The following KPNA1 variants were observed in gnomAD, a reference collection of about 807,000 sequenced individuals.
KPNA1 encodes the protein importin subunit alpha-5.
In KPNA1, 10 loss-of-function variants were observed where a neutral mutation model predicts 70.5. That is an observed-to-expected ratio of 0.14 (90% CI 0.09 to 0.24). KPNA1 has a LOEUF of 0.24. Ranked by LOEUF, KPNA1 falls within the 10% of genes least tolerant of loss-of-function variation. The probability of loss-of-function intolerance (pLI) is 1.00; values close to 1 mark genes in which losing one functional copy is unlikely to be tolerated. For synonymous variants in KPNA1, 192 were observed against 221.9 expected, an observed-to-expected ratio of 0.87 and a Z score of 1.20; for missense variants, 397 against 637.9, an observed-to-expected ratio of 0.62 and a Z score of 4.07.
rs559136378 is a variant in KPNA1 at position 122,464,953 on chromosome 3, G to T, written c.238-912C>A. Among the ~76,000 whole-genome samples, 6 of 152,256 alleles carry T rather than the reference G, an allele frequency of 3.9e-5. No individual in the cohort carries two copies. In the East Asian group the frequency reaches 7.7e-4, roughly 20 times the overall value. On this transcript the variant is annotated intron_variant, in intron 3 of 13. Coordinates refer to ENST00000344337, the MANE Select transcript of KPNA1 (RefSeq NM_002264.4). ...CAGAAAAGTAACTATTTTCAAAATT[G>T]CAAGACTGATTCCTAAATCAAGGTT... is the stretch of plus-strand genomic sequence containing the variant.
At chr3:122,503,680 T>C (rs1369005807) in intron 1 of KPNA1, among the ~76,000 whole-genome samples, 3 of 152,254 alleles carry the variant, frequency 2.0e-5, no homozygotes, top group South Asian at 2.1e-4. Context: ...TGGGAGTTAC[T>C]GAAATGGTCA....
rs757709546 is a variant in KPNA1, at chr3:122,451,988, G to A, written c.641C>T (p.Pro214Leu). Residue 214 changes from proline (P) to leucine (L), a missense_variant, in exon 7 of 14, where the codon CCC becomes CTC. Coordinates refer to ENST00000344337, the MANE Select transcript of KPNA1 (RefSeq NM_002264.4). ...AGAAGAAACTTACTGCAAAAGAGGG[G>A]GAAGGATATTGCAGTCTAAGACATA... ...RDYVLDCNIL[P>L]PLLQLFSKQN... 6.3e-6 allele frequency: 10 copies of A among 1,592,732 alleles called. No homozygotes were observed. Among genetic ancestry groups the A allele is most frequent in the Non-Finnish European group, 8.6e-6 (10 of 1,168,356 alleles).
chr3:122,478,995 C>T (rs2107477475), intron 2 of KPNA1, among the ~76,000 whole-genome samples: 1 of 145,044 alleles, frequency 6.9e-6, no homozygotes, highest in Middle Eastern at 3.8e-3. Flanking sequence ...ATTTTAGATA[C>T]AACACCACAG....
chr3:122,510,965 T>C (rs2076948405), intron 1 of KPNA1, among the ~76,000 whole-genome samples: 1 of 152,208 alleles, frequency 6.6e-6, no homozygotes. Context: ...CCAAAGAGAC[T>C]GAACGGCTAA....
rs1341385161 is a variant in KPNA1, at chr3:122,425,634, A to G, written c.*1351T>C. On this transcript the variant is annotated 3_prime_UTR_variant, in exon 14 of 14. Transcript: ENST00000344337. ...CAAGCACAAATGTGGATCACTGAAC[A>G]CAGTACTGGAAGCGCCATTTGCAGG... is the stretch of plus-strand genomic sequence containing the variant. 2.0e-5 allele frequency: 3 copies of G among 152,626 alleles called. No homozygotes were observed. The highest frequency in any genetic ancestry group is 4.4e-5 in the Non-Finnish European group (3 of 68,040). 9.5% of individuals were successfully genotyped at this position (152,626 alleles called of 1,614,324 possible).
At position 122,494,447 on chromosome 3, in the gene KPNA1, T is replaced by A. The variant is rs551173727; in HGVS notation, c.129+1990A>T. Among the ~76,000 whole-genome samples, 5 of 152,212 alleles carry A rather than the reference T, an allele frequency of 3.3e-5. No homozygotes were observed. The East Asian group carries it at 9.6e-4, about 29-fold the overall frequency. ...GTCAAAGATCAGTTGGTTGACAGTA[T>A]GGGGCTTTATTTCTGGACTCTCTAT... is the stretch of plus-strand genomic sequence containing the variant. On this transcript the variant is annotated intron_variant, in intron 2 of 13. Transcript: ENST00000344337.
intron 9 of KPNA1, among the ~76,000 whole-genome samples, chr3:122,443,821 C>A (rs1376568573): frequency 6.6e-6 from 1 of 152,156 alleles, no homozygotes; most frequent in African/African-American, 2.4e-5. Context: ...GGGGGCAGAG[C>A]AAGATCACAA....
At chr3:122,476,634 T>C (rs1374869093) in intron 2 of KPNA1, among the ~76,000 whole-genome samples, 2 of 151,608 alleles carry the variant, frequency 1.3e-5, no homozygotes, top group Non-Finnish European at 2.9e-5. Flanking sequence ...AAAGAAGACA[T>C]AAAATGGCCA....
intron 1 of KPNA1, among the ~76,000 whole-genome samples, chr3:122,503,047 A>C (rs1172235928): frequency 6.6e-6 from 1 of 152,156 alleles, no homozygotes; most frequent in African/African-American, 2.4e-5. Context: ...GCAGTGAGCC[A>C]AGATCGCACC....
intron 1 of KPNA1, among the ~76,000 whole-genome samples, chr3:122,510,276 T>G (rs2076940805): frequency 6.6e-6 from 1 of 152,068 alleles, no homozygotes; most frequent in African/African-American, 2.4e-5. Flanking sequence ...CAGGAAACAG[T>G]AAACAGGGGA....
chr3:122,505,228 G>A (rs1017518069), intron 1 of KPNA1, among the ~76,000 whole-genome samples: 1 of 149,552 alleles, frequency 6.7e-6, no homozygotes, highest in Non-Finnish European at 1.5e-5. Context: ...GCTTGAACCC[G>A]GGAGGCAGAA....
At chr3:122,453,597 C>T (rs1026103979) in intron 6 of KPNA1, among the ~76,000 whole-genome samples, 3 of 151,882 alleles carry the variant, frequency 2.0e-5, no homozygotes, top group African/African-American at 4.8e-5. Flanking sequence ...AGTGCAATGA[C>T]GCGATCTCGG....
rs1415185048 is a variant in KPNA1, at chr3:122,472,577, CAA to C, written c.130-5150_130-5149del. On this transcript the variant is annotated intron_variant, in intron 2 of 13. Coordinates refer to ENST00000344337, the MANE Select transcript of KPNA1 (RefSeq NM_002264.4). ...TCCAAAGTTAGCAGAAGAATAAAAACAAGAGCAGATATCAATGTAACTGAAAA... is the reference window on the plus strand; with the variant it reads ...TCCAAAGTTAGCAGAAGAATAAAAACGAGCAGATATCAATGTAACTGAAAA... 7.2e-5 allele frequency among the ~76,000 whole-genome samples: 11 copies of C among 151,932 alleles called. No individual in the cohort carries two copies. In the East Asian group the frequency reaches 1.7e-3, roughly 24 times the overall value.
chr3:122,426,916 G>A lies in KPNA1; in HGVS notation c.*69C>T. 2 of 1,255,148 alleles carry A rather than the reference G, an allele frequency of 1.6e-6. No individual in the cohort carries two copies. Among genetic ancestry groups the A allele is most frequent in the East Asian group, 2.3e-5 (1 of 43,134 alleles). 77.8% of individuals were successfully genotyped at this position (1,255,148 alleles called of 1,614,324 possible). A position where few individuals can be genotyped will look rare whatever the true frequency, so the allele number is the denominator to read the frequency against. ...TTGAGAAGTTAGCTCCATGAGGACT[G>A]TGGGCTCCACAAGAGGACTCGACTG... is the stretch of plus-strand genomic sequence containing the variant. On this transcript the variant is annotated 3_prime_UTR_variant, in exon 14 of 14. Coordinates refer to ENST00000344337, the MANE Select transcript of KPNA1 (RefSeq NM_002264.4).
chr3:122,446,090 A>C (rs1560024408), intron 9 of KPNA1, among the ~76,000 whole-genome samples: 1 of 152,254 alleles, frequency 6.6e-6, no homozygotes, highest in East Asian at 1.9e-4. Context: ...TTAACACCCC[A>C]CTGTCAATAT....
At chr3:122,481,628 T>C (rs1362154324) in intron 2 of KPNA1, among the ~76,000 whole-genome samples, 2 of 152,174 alleles carry the variant, frequency 1.3e-5, no homozygotes, top group Non-Finnish European at 1.5e-5. Flanking sequence ...TCTATGAATA[T>C]ACTAAAAACC....
Position 122,458,553 on chromosome 3 carries a change from A to G in KPNA1, c.432+2671T>C, listed in dbSNP as rs1576306884. Among the ~76,000 whole-genome samples, 4 of 152,230 alleles carry G rather than the reference A, an allele frequency of 2.6e-5. 1 individual carries two copies. The South Asian group carries it at 8.3e-4, about 31-fold the overall frequency. ...GAAATTAAGTTTGTCCACAAGATTTATTAGTGAGCTGAGCCATCAAATTTC... is the reference window on the plus strand; with the variant it reads ...GAAATTAAGTTTGTCCACAAGATTTGTTAGTGAGCTGAGCCATCAAATTTC... On this transcript the variant is annotated intron_variant, in intron 5 of 13. Transcript: ENST00000344337.
At chr3:122,514,683 T>A (rs2076998240) in intron 1 of KPNA1, 74 bp downstream of exon 1, 1 of 152,270 alleles carries the variant, frequency 6.6e-6, no homozygotes, top group Non-Finnish European at 1.5e-5. Flanking sequence ...GGGCCTCTCC[T>A]GAGTCCCTCC....
intron 3 of KPNA1, among the ~76,000 whole-genome samples, chr3:122,465,204 GAAGGAGTTAGT>G (rs746878283): frequency 6.6e-6 from 1 of 152,188 alleles, no homozygotes; most frequent in Non-Finnish European, 1.5e-5. Flanking sequence ...CTCTTCCGCA[GAAGGAGTTAGT>G]AAAGATGTGC....
Sources: allele counts gnomAD v4.1 joint callset (sites outside exome capture counted in the v4.1 genomes callset), GRCh38; gene constraint gnomAD v4.1.1; transcripts MANE v1.5; gene names NCBI Gene and HGNC (gene_info 2026-07-23, HGNC 2026-07-21).